NOD2: variants seen among roughly 807,000 people sequenced by gnomAD.
NOD2 encodes the protein nucleotide-binding oligomerization domain-containing protein 2.
Under a neutral mutation model 90.9 loss-of-function variants are expected in NOD2, and 86 were observed. That is an observed-to-expected ratio of 0.95 (90% CI 0.79 to 1.13). The LOEUF is 1.13. Ranked by LOEUF, NOD2 falls within the 50% of genes most tolerant of loss-of-function variation. The pLI is 0.00. For missense variants in NOD2, 1,238 were observed against 1,283.8 expected, an observed-to-expected ratio of 0.96 and a Z score of 0.55; for synonymous variants, 581 against 554.6, an observed-to-expected ratio of 1.05 and a Z score of -0.67.
chr16:50,726,635 C>T (rs1264370014), intron 10 of NOD2, among the ~76,000 whole-genome samples: 1 of 152,134 alleles, frequency 6.6e-6, no homozygotes, highest in Non-Finnish European at 1.5e-5. Flanking sequence ...TTTGTCTTCC[C>T]TCCTTGTCAC....
rs769791050 is a variant in NOD2, at chr16:50,716,685, G to T, written c.2465+15G>T. On this transcript the variant is annotated intron_variant, in intron 5 of 11. Transcript: ENST00000647318. Reference sequence around the variant, plus strand: ...CAGAAGTTAGCGTAAGTCAGCCTGGGCTGTGGACAATGGGCTCCAAGTGCC... The same window carrying T: ...CAGAAGTTAGCGTAAGTCAGCCTGGTCTGTGGACAATGGGCTCCAAGTGCC... The T allele has an allele frequency of 1.2e-6, 2 of 1,613,520 alleles. No homozygotes were observed. The highest frequency in any genetic ancestry group is 2.2e-5 in the South Asian group (2 of 91,050).
intron 2 of NOD2, among the ~76,000 whole-genome samples, chr16:50,706,553 C>T (rs1964200946): frequency 1.3e-5 from 2 of 152,052 alleles, no homozygotes; most frequent in Admixed American, 6.5e-5. Context: ...GACTCTATGT[C>T]TGGTATGTAG....
chr16:50,704,919 G>T (rs11649521), intron 2 of NOD2, among the ~76,000 whole-genome samples: 1 of 152,112 alleles, frequency 6.6e-6, no homozygotes, highest in Non-Finnish European at 1.5e-5. Flanking sequence ...CTTCCATTAT[G>T]TTAGTCACCC....
chr16:50,727,624 A>G (rs1965312157), intron 10 of NOD2: 5 of 309,860 alleles, frequency 1.6e-5, no homozygotes, highest in Non-Finnish European at 2.6e-5. Context: ...AATGGTAGTC[A>G]GTTGGCTAGA....
intron 9 of NOD2, 62 bp downstream of exon 9, chr16:50,723,446 C>T (rs1379521877): frequency 2.0e-6 from 3 of 1,466,198 alleles, no homozygotes; most frequent in Non-Finnish European, 2.9e-6. Context: ...ATCCCCTGGC[C>T]TCATCCATAG....
At chr16:50,731,625 C>T in intron 11 of NOD2, 122 bp from the exon 12 acceptor site, 2 of 742,856 alleles carry the variant, frequency 2.7e-6, no homozygotes, top group Non-Finnish European at 4.8e-6. Context: ...GCAAGAAACA[C>T]TGCAGCTGGG....
At position 50,716,813 on chromosome 16, in the gene NOD2, G is replaced by A. The variant is rs1964820225; in HGVS notation, c.2466-78G>A. On this transcript the variant is annotated intron_variant, in intron 5 of 11. Transcript: ENST00000647318. ...GTGCAGGTGATTCCTGCCCAGAGGGGAAGGGCAACCCTGGGATTTGGTGCT... is the reference window on the plus strand; with the variant it reads ...GTGCAGGTGATTCCTGCCCAGAGGGAAAGGGCAACCCTGGGATTTGGTGCT... The A allele has an allele frequency of 4.6e-6, 7 of 1,516,702 alleles. No homozygotes were observed. In the Admixed American group the frequency reaches 1.0e-4, roughly 22 times the overall value. The allele number at this position is 1,516,702 out of a possible 1,614,324, so 94.0% of individuals were successfully genotyped here.
Position 50,711,093 on chromosome 16 carries a change from C to T in NOD2, c.1101C>T (p.His367=), listed in dbSNP as rs767605899. Residue 367 remains histidine, a synonymous_variant, in exon 4 of 12, where the codon CAC becomes CAT. Coordinates refer to ENST00000647318, the MANE Select transcript of NOD2 (RefSeq NM_001370466.1). ...FKFRFTDRER[H]CSPTDPTSVQ... ...TCAGGTTCACGGATCGTGAACGCCA[C>T]TGCTCCCCGACCGACCCCACCTCTG... The T allele has an allele frequency of 4.3e-6, 7 of 1,614,098 alleles. No individual in the cohort carries two copies. The African/African-American group carries it at 6.7e-5, about 15-fold the overall frequency.
At chr16:50,699,112 G>C (rs896446524) in intron 1 of NOD2, among the ~76,000 whole-genome samples, 2 of 152,080 alleles carry the variant, frequency 1.3e-5, no homozygotes, top group African/African-American at 2.4e-5. Context: ...ATTTTTAGTA[G>C]AGACAGCGTT....
chr16:50,708,396 G>T (rs1045310794), intron 3 of NOD2, among the ~76,000 whole-genome samples: 5 of 152,272 alleles, frequency 3.3e-5, no homozygotes, highest in African/African-American at 7.2e-5. Flanking sequence ...AGTGCCCAGG[G>T]TCACCACCCA....
rs374116563 is a variant in NOD2 at position 50,711,942 on chromosome 16, C to T, written c.1950C>T (p.Phe650=). 2 of 1,612,082 alleles carry T rather than the reference C, an allele frequency of 1.2e-6. No individual in the cohort carries two copies. Among genetic ancestry groups the T allele is most frequent in the Non-Finnish European group, 1.7e-6 (2 of 1,178,896 alleles). ...ACAACCTTCAGATCACAGCAGCCTT[C>T]CTGGCAGGGCTGTTGTCCCGGGAGC... ...EPHNLQITAA[F]LAGLLSREHW... is the part of the protein sequence containing the mutation. The change falls in exon 4 of 12, where the codon TTC becomes TTT. Residue 650 remains phenylalanine, a synonymous_variant. Transcript: ENST00000647318.
At position 50,710,645 on chromosome 16, in the gene NOD2, C is replaced by T. The variant is rs148516118; in HGVS notation, c.653C>T (p.Thr218Met). Residue 218 changes from threonine to methionine, a missense_variant, in exon 4 of 12, where the codon ACG (threonine) becomes ATG (methionine). Physicochemically the swap from Thr to Met is moderately conservative, Grantham distance 81. This residue lies in a region of NOD2 where 567 missense variants were observed against 577.3 expected (regional missense o/e 0.98). Coordinates refer to ENST00000647318, the MANE Select transcript of NOD2 (RefSeq NM_001370466.1). ...CTCAGTACCTATGATGGAGCAGAGACGCTCTGCCTGGAGGACATATACACA... is the reference window on the plus strand; with the variant it reads ...CTCAGTACCTATGATGGAGCAGAGATGCTCTGCCTGGAGGACATATACACA... The part of the protein sequence containing the change: ...RFLSTYDGAE[T>M]LCLEDIYTEN... The T allele has an allele frequency of 3.5e-5, 57 of 1,614,212 alleles. No homozygotes were observed. The East Asian group carries it at 5.3e-4, about 15-fold the overall frequency.
At position 50,711,210 on chromosome 16, in the gene NOD2, C is replaced by T. The variant is rs748910444; in HGVS notation, c.1218C>T (p.Phe406=). The T allele has an allele frequency of 3.7e-6, 6 of 1,614,056 alleles. No homozygotes were observed. The highest frequency in any genetic ancestry group is 5.1e-6 in the Non-Finnish European group (6 of 1,180,042). ...VTSRPAAVSA[F]LRKYIRTEFN... Reference sequence around the variant, plus strand: ...GCCGTCCGGCCGCTGTGTCGGCGTTCCTCAGGAAGTACATCCGCACCGAGT... The same window carrying T: ...GCCGTCCGGCCGCTGTGTCGGCGTTTCTCAGGAAGTACATCCGCACCGAGT... Residue 406 remains phenylalanine, a synonymous_variant, in exon 4 of 12, where the codon TTC becomes TTT. Coordinates refer to ENST00000647318, the MANE Select transcript of NOD2 (RefSeq NM_001370466.1).
intron 10 of NOD2, chr16:50,727,960 G>T: frequency 3.7e-6 from 1 of 267,732 alleles, no homozygotes; most frequent in Non-Finnish European, 7.5e-6. Context: ...CAACCACTGA[G>T]CTAGTCATTG....
At chr16:50,716,787 G>T in intron 5 of NOD2, 104 bp from the exon 6 acceptor site, 1 of 1,443,466 alleles carries the variant, frequency 6.9e-7, no homozygotes, top group Non-Finnish European at 9.8e-7. Context: ...CATGATGGGG[G>T]GTGCAGGTGA....
chr16:50,725,450 A>G (rs1397194723), intron 9 of NOD2, 39 bp from the exon 10 acceptor site: 4 of 1,499,430 alleles, frequency 2.7e-6, no homozygotes, highest in Admixed American at 1.7e-5. Flanking sequence ...TCCATAATCA[A>G]TGTTGTATCA....
At chr16:50,725,258 A>C (rs1400943621) in intron 9 of NOD2, among the ~76,000 whole-genome samples, 1 of 152,216 alleles carries the variant, frequency 6.6e-6, no homozygotes, top group African/African-American at 2.4e-5. Flanking sequence ...AAAGATGGAG[A>C]TCAGGAAGCT....
At chr16:50,716,465 G>T (rs1964797751) in intron 4 of NOD2, 122 bp from the exon 5 acceptor site, 1 of 970,874 alleles carries the variant, frequency 1.0e-6, no homozygotes. Flanking sequence ...ATCTATGCAG[G>T]GTTTCCTGGA....
At chr16:50,710,122 C>T in intron 3 of NOD2, 1 of 427,470 alleles carries the variant, frequency 2.3e-6, no homozygotes, top group East Asian at 7.1e-5. Context: ...CCAAAGCCAC[C>T]CGGCCACTAT....
Sources: gnomAD v4.1 joint callset for allele counts (sites outside exome capture counted in the v4.1 genomes callset) on GRCh38, gnomAD v4.1.1 for gene constraint, gnomAD v4.1.1 regional missense constraint, MANE v1.5 for transcripts, NCBI Gene and HGNC (gene_info 2026-07-23, HGNC 2026-07-21) for gene names.